KLF17: variants seen among roughly 807,000 people sequenced by gnomAD.
KLF17 encodes KLF transcription factor 17.
Under a neutral mutation model 34.2 loss-of-function variants are expected in KLF17, and 31 were observed. The ratio of observed to expected loss-of-function variants is 0.91; its 90% CI spans 0.68 to 1.22. The LOEUF is 1.22. Ranked by LOEUF, KLF17 falls within the 50% of genes most tolerant of loss-of-function variation. The probability of loss-of-function intolerance (pLI) is 0.00; values close to 1 mark genes in which losing one functional copy is unlikely to be tolerated. For missense variants in KLF17, 478 were observed against 505.2 expected (o/e 0.95, Z 0.52); for synonymous variants, 179 against 186.7 (o/e 0.96, Z 0.34).
the KLF17 span, among the ~76,000 whole-genome samples, chr1:44,078,855 G>C: frequency 1.3e-5 from 2 of 152,038 alleles, no homozygotes; most frequent in African/African-American, 2.4e-5. Flanking sequence ...TTTCCTTCCT[G>C]CCACCCTGGT....
the KLF17 span, among the ~76,000 whole-genome samples, chr1:44,082,825 T>G: frequency 2.6e-5 from 4 of 152,102 alleles, no homozygotes; most frequent in African/African-American, 9.7e-5. Flanking sequence ...AACTGATACA[T>G]TCAGAAGGGA....
intron 1 of KLF17, among the ~76,000 whole-genome samples, chr1:44,127,686 CTTTCTTTTT>C: frequency 2.4e-5 from 1 of 40,822 alleles, no homozygotes; most frequent in African/African-American, 7.0e-5. Context: ...TTCTTTCTTT[CTTTCTTTTT>C]CTTTCTTTCT....
At chr1:44,127,186 G>C (rs1395042131) in intron 1 of KLF17, among the ~76,000 whole-genome samples, 1 of 151,824 alleles carries the variant, frequency 6.6e-6, no homozygotes, top group Non-Finnish European at 1.5e-5. Flanking sequence ...TAGGATCATA[G>C]GCATGAGCCA....
Position 44,129,739 on chromosome 1 carries a change from T to A in KLF17, c.468T>A (p.Asn156Lys), listed in dbSNP as rs1571992893. 1 of 1,613,998 alleles carries A rather than the reference T, an allele frequency of 6.2e-7. No homozygotes were observed. Among genetic ancestry groups the A allele is most frequent in the African/African-American group, 1.3e-5 (1 of 74,922 alleles). Residue 156 changes from asparagine (N) to lysine (K), a missense_variant, in exon 2 of 4, where the codon AAT (asparagine) becomes AAA (lysine). Coordinates refer to ENST00000372299, the MANE Select transcript of KLF17 (RefSeq NM_173484.4). ...GTGGGAATCTAAGGATGCCCCCCAA[T>A]GGGCTGCCAGTCTCGGCTTCCACTG... is the stretch of plus-strand genomic sequence containing the variant. ...PFGGNLRMPP[N>K]GLPVSASTGI...
the KLF17 span, chr1:44,103,737 T>G: frequency 7.4e-7 from 1 of 1,351,418 alleles, no homozygotes. Flanking sequence ...GTTGGCACCC[T>G]TAACTGCCAG....
the KLF17 span, among the ~76,000 whole-genome samples, chr1:44,109,897 CTTT>C: frequency 1.6e-4 from 12 of 77,198 alleles, no homozygotes; most frequent in African/African-American, 4.7e-4. Context: ...CTTTTTTATA[CTTT>C]TTTTTTTTTT....
chr1:44,090,865 A>C, the KLF17 span, among the ~76,000 whole-genome samples: 1 of 151,966 alleles, frequency 6.6e-6, no homozygotes, highest in Non-Finnish European at 1.5e-5. Flanking sequence ...AATGTAGGGC[A>C]TGTAACACAA....
chr1:44,107,882 G>A, the KLF17 span, among the ~76,000 whole-genome samples: 31 of 152,224 alleles, frequency 2.0e-4, no homozygotes, highest in South Asian at 6.2e-3. Flanking sequence ...AAAAAACACA[G>A]CATATATAGG....
chr1:44,057,496 A>G, the KLF17 span, among the ~76,000 whole-genome samples: 2 of 152,170 alleles, frequency 1.3e-5, no homozygotes, highest in Non-Finnish European at 2.9e-5. Context: ...GCTCCACCAG[A>G]CAGAGCAGCT....
chr1:44,110,019 GCTTCAGCCT>G, the KLF17 span, among the ~76,000 whole-genome samples: 185 of 149,388 alleles, frequency 1.2e-3, 3 homozygotes, highest in East Asian at 0.021. Flanking sequence ...CAATTCTCCT[GCTTCAGCCT>G]CTTCAGTAGT....
the KLF17 span, chr1:44,103,621 T>A: frequency 6.2e-7 from 1 of 1,609,674 alleles, no homozygotes; most frequent in African/African-American, 1.3e-5. Context: ...TCGATCTCGA[T>A]GTCCAGGGCC....
chr1:44,087,703 T>C, the KLF17 span, among the ~76,000 whole-genome samples: 2 of 141,546 alleles, frequency 1.4e-5, no homozygotes, highest in African/African-American at 5.2e-5. Context: ...GAGAGCTCTC[T>C]GGTGCCTCTT....
chr1:44,060,258 T>C, the KLF17 span, among the ~76,000 whole-genome samples: 2 of 152,022 alleles, frequency 1.3e-5, no homozygotes, highest in African/African-American at 4.8e-5. Flanking sequence ...TCACTTGAGG[T>C]CAGGAGTTAG....
chr1:44,077,377 TG>T, the KLF17 span, among the ~76,000 whole-genome samples: 1 of 151,810 alleles, frequency 6.6e-6, no homozygotes, highest in East Asian at 1.9e-4. Context: ...AAGAAAAAAA[TG>T]GATTTGTAAG....
intron 1 of KLF17, among the ~76,000 whole-genome samples, chr1:44,127,696 C>CTTTCTTTCTT (rs1557732046): frequency 4.7e-4 from 17 of 36,298 alleles, no homozygotes; most frequent in African/African-American, 1.3e-3. Context: ...CTTTCTTTTT[C>CTTTCTTTCTT]TTTCTTTCTT....
chr1:44,051,854 GC>G, the KLF17 span, among the ~76,000 whole-genome samples: 2 of 152,122 alleles, frequency 1.3e-5, no homozygotes, highest in East Asian at 3.9e-4. Flanking sequence ...ACCCCCTGGT[GC>G]CCTGGGGTTT....
At chr1:44,097,949 A>T in the KLF17 span, among the ~76,000 whole-genome samples, 29 of 152,112 alleles carry the variant, frequency 1.9e-4, no homozygotes, top group African/African-American at 7.0e-4. Flanking sequence ...CCATCCTTGC[A>T]TCCCTGGTAT....
the KLF17 span, among the ~76,000 whole-genome samples, chr1:44,096,688 C>T: frequency 6.6e-6 from 1 of 150,598 alleles, no homozygotes; most frequent in Non-Finnish European, 1.5e-5. Flanking sequence ...GCATGAGCCA[C>T]TGTGCCCAGC....
Position 44,130,559 on chromosome 1 carries a change from T to G in KLF17, c.973T>G (p.Phe325Val), listed in dbSNP as rs1329421990. Residue 325 changes from phenylalanine (F) to valine (V), a missense_variant, in exon 3 of 4, where the codon TTC becomes GTC. Coordinates refer to ENST00000372299, the MANE Select transcript of KLF17 (RefSeq NM_173484.4). ...CNWESCSWSF[F>V]RSDELRRHMR... The stretch of plus-strand genomic sequence containing the variant: ...CTGGGAAAGTTGTTCATGGTCTTTC[T>G]TCCGTTCTGATGAGCTTAGACGACA... 1.9e-6 allele frequency: 3 copies of G among 1,614,016 alleles called. No individual in the cohort carries two copies. Among genetic ancestry groups the G allele is most frequent in the Non-Finnish European group, 2.5e-6 (3 of 1,180,024 alleles).
Sources: gnomAD v4.1 joint callset for allele counts (sites outside exome capture counted in the v4.1 genomes callset) on GRCh38, gnomAD v4.1.1 for gene constraint, MANE v1.5 for transcripts, NCBI Gene and HGNC (gene_info 2026-07-23, HGNC 2026-07-21) for gene names.